The following STK31 variants were observed in gnomAD, a reference collection of about 807,000 sequenced individuals.
STK31 encodes serine/threonine-protein kinase 31.
A neutral mutation model predicts 129.7 loss-of-function variants in STK31; 89 were observed. That is an observed-to-expected ratio of 0.69 (90% CI 0.58 to 0.82). The LOEUF (loss-of-function observed/expected upper bound fraction) is 0.82. Among genes scored for constraint, STK31 ranks in the 40% least tolerant of loss-of-function variants. The probability of loss-of-function intolerance (pLI) is 0.00; values close to 1 mark genes in which losing one functional copy is unlikely to be tolerated. For missense variants in STK31, 1,187 were observed against 1,176.4 expected (o/e 1.01, Z -0.13); for synonymous variants, 448 against 395.3 (o/e 1.13, Z -1.58).
intron 21 of STK31, among the ~76,000 whole-genome samples, chr7:23,788,845 A>G (rs1791454164): frequency 6.6e-6 from 1 of 152,170 alleles, no homozygotes; most frequent in African/African-American, 2.4e-5. Context: ...AATGTATACA[A>G]TTCATTAATA....
intron 22 of STK31, among the ~76,000 whole-genome samples, chr7:23,800,597 G>A (rs570242538): frequency 6.6e-6 from 1 of 152,138 alleles, no homozygotes; most frequent in African/African-American, 2.4e-5. Flanking sequence ...GGGGCCTGTT[G>A]GGGAGTGGGG....
intron 6 of STK31, 53 bp from the exon 7 acceptor site, chr7:23,735,482 AAAT>A: frequency 6.9e-7 from 1 of 1,455,056 alleles, no homozygotes; most frequent in East Asian, 2.3e-5. Context: ...GGTAGGAACA[AAAT>A]AAGGGAAGAG....
At chr7:23,821,867 G>A (rs1043127016) in intron 23 of STK31, among the ~76,000 whole-genome samples, 22 of 151,950 alleles carry the variant, frequency 1.4e-4, no homozygotes, top group African/African-American at 3.9e-4. Flanking sequence ...ACTCTTTTGC[G>A]TATGGCTATC....
rs571122321 is a variant in STK31, at chr7:23,799,053, T to A, written c.2760+8107T>A. Among the ~76,000 whole-genome samples the A allele has an allele frequency of 2.6e-5, 4 of 152,214 alleles. No homozygotes were observed. The South Asian group carries it at 8.3e-4, about 32-fold the overall frequency. On this transcript the variant is annotated intron_variant, in intron 22 of 23. Coordinates refer to ENST00000355870, the MANE Select transcript of STK31 (RefSeq NM_031414.5). ...CTAGCAAGGGATGTGAAGGACCTCTTCAAGAAGAATTACAAACCACTGCTC... is the reference window on the plus strand; with the variant it reads ...CTAGCAAGGGATGTGAAGGACCTCTACAAGAAGAATTACAAACCACTGCTC...
At chr7:23,755,482 G>A (rs533103384) in intron 10 of STK31, among the ~76,000 whole-genome samples, 1 of 152,168 alleles carries the variant, frequency 6.6e-6, no homozygotes, top group Non-Finnish European at 1.5e-5. Flanking sequence ...TTCTTTTGCT[G>A]TGCAGAAGCT....
At chr7:23,826,053 G>A (rs1446395588) in intron 23 of STK31, among the ~76,000 whole-genome samples, 2 of 152,118 alleles carry the variant, frequency 1.3e-5, no homozygotes, top group African/African-American at 2.4e-5. Flanking sequence ...GTGGTGTGGT[G>A]CTGAAAAGAA....
intron 22 of STK31, among the ~76,000 whole-genome samples, chr7:23,809,780 A>G (rs1333539930): frequency 2.6e-5 from 4 of 152,238 alleles, no homozygotes; most frequent in Admixed American, 2.6e-4. Flanking sequence ...TCCCCAGTGC[A>G]AGTAATTCAG....
intron 22 of STK31, among the ~76,000 whole-genome samples, chr7:23,802,639 G>A (rs1319345432): frequency 3.9e-5 from 6 of 152,078 alleles, no homozygotes; most frequent in African/African-American, 1.4e-4. Flanking sequence ...TCAGCCTCCC[G>A]AGGAGCTGGG....
At chr7:23,716,086 G>A (rs967309152) in intron 3 of STK31, among the ~76,000 whole-genome samples, 3 of 152,066 alleles carry the variant, frequency 2.0e-5, no homozygotes, top group Non-Finnish European at 4.4e-5. Flanking sequence ...TTGTCTTTTT[G>A]TGTTCCAGGA....
chr7:23,713,420 A>G (rs1432071851), intron 3 of STK31, among the ~76,000 whole-genome samples: 1 of 152,216 alleles, frequency 6.6e-6, no homozygotes, highest in Non-Finnish European at 1.5e-5. Flanking sequence ...ATTACTGTAC[A>G]CTACTGTATA....
At position 23,762,902 on chromosome 7, in the gene STK31, T is replaced by A; in HGVS notation, c.1395T>A (p.Asn465Lys). Residue 465 changes from asparagine to lysine, a missense_variant, in exon 11 of 24, where the codon AAT becomes AAA. Asn to Lys is a moderately conservative substitution (Grantham distance 94). Transcript: ENST00000355870. ...FILEVDESSL[N>K]KRLKTLQDLS... Reference sequence around the variant, plus strand: ...TGGAAGTTGATGAGTCATCTCTTAATAAACGCTTAAAAACATTGCAGGTTG... The same window carrying A: ...TGGAAGTTGATGAGTCATCTCTTAAAAAACGCTTAAAAACATTGCAGGTTG... The A allele has an allele frequency of 6.3e-7, 1 of 1,593,752 alleles. No homozygotes were observed. The highest frequency in any genetic ancestry group is 8.5e-7 in the Non-Finnish European group (1 of 1,172,302).
Position 23,790,917 on chromosome 7 carries a change from T to G in STK31, c.2731T>G (p.Leu911Val). 1 of 1,602,352 alleles carries G rather than the reference T, an allele frequency of 6.2e-7. No homozygotes were observed. Among genetic ancestry groups the G allele is most frequent in the Non-Finnish European group, 8.5e-7 (1 of 1,175,544 alleles). ...AAAACCTGCTTCTCCAGGTTCAGAC[T>G]TATATGCTTATGGCTGCCTCTTATT... ...MGKPASPGSD[L>V]YAYGCLLLWL... The change falls in exon 22 of 24, where the codon TTA becomes GTA. Residue 911 changes from leucine to valine, a missense_variant. Around this residue, in one of 5 missense-constraint regions of STK31, gnomAD observed 975 missense variants for 934.9 expected, o/e 1.04. Transcript: ENST00000355870.
chr7:23,765,124 C>T (rs62468639), intron 11 of STK31, among the ~76,000 whole-genome samples: 37,880 of 151,608 alleles, frequency 0.25, 5,142 homozygotes, highest in East Asian at 0.39. Flanking sequence ...GGCCGATCTC[C>T]GCTCACTGCA....
chr7:23,779,467 C>G (rs1257198673), intron 15 of STK31, among the ~76,000 whole-genome samples: 1 of 152,148 alleles, frequency 6.6e-6, no homozygotes, highest in Non-Finnish European at 1.5e-5. Context: ...GTGCTCTGTC[C>G]CAGGAGGATG....
At chr7:23,780,087 G>C (rs1363525671) in intron 15 of STK31, among the ~76,000 whole-genome samples, 1 of 152,146 alleles carries the variant, frequency 6.6e-6, no homozygotes, top group Non-Finnish European at 1.5e-5. Context: ...TTGGCTAGGA[G>C]AGCGAGTTCC....
intron 11 of STK31, among the ~76,000 whole-genome samples, chr7:23,766,312 G>C (rs1251924204): frequency 6.6e-6 from 1 of 151,928 alleles, no homozygotes; most frequent in Non-Finnish European, 1.5e-5. Flanking sequence ...ACCCAGGCTG[G>C]AGTGCAGTGG....
At chr7:23,741,991 G>T (rs968948043) in intron 8 of STK31, among the ~76,000 whole-genome samples, 2 of 152,218 alleles carry the variant, frequency 1.3e-5, no homozygotes, top group South Asian at 4.1e-4. Flanking sequence ...CACCACCCTG[G>T]TGAACAGCAT....
chr7:23,739,000 T>C (rs1406333902), intron 8 of STK31, among the ~76,000 whole-genome samples: 2 of 152,224 alleles, frequency 1.3e-5, no homozygotes, highest in African/African-American at 4.8e-5. Context: ...CCAGTAATGG[T>C]ATTGCTGGGT....
chr7:23,808,261 C>G (rs1367191445), intron 22 of STK31, among the ~76,000 whole-genome samples: 1 of 151,418 alleles, frequency 6.6e-6, no homozygotes, highest in Non-Finnish European at 1.5e-5. Flanking sequence ...CTGACATCAC[C>G]CCAGCAAAAG....
Sources: gnomAD v4.1 joint callset for allele counts (sites outside exome capture counted in the v4.1 genomes callset) on GRCh38, gnomAD v4.1.1 for gene constraint, gnomAD v4.1.1 regional missense constraint, MANE v1.5 for transcripts, NCBI Gene and HGNC (gene_info 2026-07-23, HGNC 2026-07-21) for gene names.